Variants in ITGA11 observed in about 807,000 individuals in gnomAD.
ITGA11 encodes the protein integrin subunit alpha 11, also known as integrin alpha-11.
In ITGA11, 97 loss-of-function variants were observed where a neutral mutation model predicts 141.9. That is an observed-to-expected ratio of 0.68 (90% CI 0.58 to 0.81). ITGA11 has a LOEUF of 0.81. Ranked by LOEUF, ITGA11 falls within the 30% of genes least tolerant of loss-of-function variation. ITGA11 has a pLI of 0.00. For synonymous variants in ITGA11, 658 were observed against 624.6 expected (o/e 1.05, Z -0.80); for missense variants, 1,387 against 1,559.2 (o/e 0.89, Z 1.86).
At chr15:68,320,538 A>G in intron 19 of ITGA11, 146 bp from the exon 20 acceptor site, 1 of 639,576 alleles carries the variant, frequency 1.6e-6, no homozygotes, top group South Asian at 1.9e-5. Context: ...GAGAGTGGAA[A>G]TGGATGGCAG....
intron 5 of ITGA11, among the ~76,000 whole-genome samples, chr15:68,359,997 G>C (rs1038807457): frequency 2.6e-5 from 4 of 152,244 alleles, no homozygotes; most frequent in Admixed American, 6.5e-5. Flanking sequence ...AGAGGAAGGT[G>C]GGGGTGGCTT....
At chr15:68,392,926 A>G (rs1384113544) in intron 2 of ITGA11, among the ~76,000 whole-genome samples, 4 of 152,240 alleles carry the variant, frequency 2.6e-5, no homozygotes, top group African/African-American at 9.6e-5. Context: ...TGATCCAGAT[A>G]TTGGAGTTAA....
In ITGA11 at chr15:68,348,848, A is replaced by G; in HGVS notation, c.1113T>C (p.Phe371=). The part of the protein sequence containing the change: ...SFGLEMSQTG[F]SSHVVEDGVL... ...CACATACCTCCACCACGTGCGAGGA[A>G]AAGCCCGTCTGTGACATCTCCAGCC... The change falls in exon 10 of 30, where the codon TTT becomes TTC. Residue 371 remains phenylalanine, a synonymous_variant. Coordinates refer to ENST00000315757, the MANE Select transcript of ITGA11 (RefSeq NM_001004439.2). 6.2e-7 allele frequency: 1 copy of G among 1,609,288 alleles called. No homozygotes were observed. The highest frequency in any genetic ancestry group is 8.5e-7 in the Non-Finnish European group (1 of 1,177,928).
intron 2 of ITGA11, among the ~76,000 whole-genome samples, chr15:68,390,118 A>C (rs1046444052): frequency 6.6e-6 from 1 of 152,178 alleles, no homozygotes. Flanking sequence ...GAGTGTTGTT[A>C]TTGTTGCTAG....
At chr15:68,339,462 C>G in intron 11 of ITGA11, 38 bp downstream of exon 11, 1 of 1,586,614 alleles carries the variant, frequency 6.3e-7, no homozygotes. Context: ...CCCTCCCGGC[C>G]CACGACCCGC....
chr15:68,347,303 A>T (rs1227630896), intron 10 of ITGA11, among the ~76,000 whole-genome samples: 1 of 152,212 alleles, frequency 6.6e-6, no homozygotes, highest in African/African-American at 2.4e-5. Flanking sequence ...CTCAGGACCC[A>T]GCACAGAGAA....
rs1567118732 is a variant in ITGA11 at position 68,302,521 on chromosome 15, T to C, written c.*538A>G. On this transcript the variant is annotated 3_prime_UTR_variant, in exon 30 of 30. Transcript: ENST00000315757. ...AAGCCCTTGCTCTTGGGTTCATTCT[T>C]CGGGAGCCCCAGGGGCCTATCTATG... The C allele has an allele frequency of 6.5e-6, 1 of 152,766 alleles. No homozygotes were observed. Among genetic ancestry groups the C allele is most frequent in the Non-Finnish European group, 1.5e-5 (1 of 68,232 alleles). The allele number at this position is 152,766 out of a possible 1,614,324, so 9.5% of individuals were successfully genotyped here. A position where few individuals can be genotyped will look rare whatever the true frequency, so the allele number is the denominator to read the frequency against.
rs1893752048 is a variant in ITGA11 at position 68,320,246 on chromosome 15, T to C, written c.2555A>G (p.Tyr852Cys). 1 of 1,614,074 alleles carries C rather than the reference T, an allele frequency of 6.2e-7. No individual in the cohort carries two copies. The highest frequency in any genetic ancestry group is 1.3e-5 in the African/African-American group (1 of 75,072). ...ATLENRGENAYSTVLNISQSA... is the reference protein window; with the variant it reads ...ATLENRGENACSTVLNISQSA... The stretch of plus-strand genomic sequence containing the variant: ...CTGCGAGATATTTAGGACCGTGCTG[T>C]AGGCGTTCTCGCCCCTGTTCTCCAG... The change falls in exon 20 of 30, where the codon TAC becomes TGC. Residue 852 changes from tyrosine (Y) to cysteine (C), a missense_variant. Transcript: ENST00000315757.
intron 1 of ITGA11, among the ~76,000 whole-genome samples, chr15:68,405,588 C>T (rs1896631134): frequency 6.6e-6 from 1 of 152,178 alleles, no homozygotes; most frequent in Non-Finnish European, 1.5e-5. Context: ...ATCAGCCTGG[C>T]TAGCAGCGGG....
At chr15:68,401,034 A>G (rs1896496758) in intron 2 of ITGA11, among the ~76,000 whole-genome samples, 1 of 141,254 alleles carries the variant, frequency 7.1e-6, no homozygotes, top group South Asian at 2.1e-4. Context: ...CACAATCTTT[A>G]CAATGGGCAA....
rs1896903418 is a variant in ITGA11 at position 68,416,985 on chromosome 15, A to G, written c.53-13956T>C. Among the ~76,000 whole-genome samples, 6 of 152,278 alleles carry G rather than the reference A, an allele frequency of 3.9e-5. No homozygotes were observed. The South Asian group carries it at 1.2e-3, about 32-fold the overall frequency. ...TGTATTTTTCCATCTTACATCATTT[A>G]TCATTTTCTCTGTGTAGGAAAAGTG... On this transcript the variant is annotated intron_variant, in intron 1 of 29. Transcript: ENST00000315757.
At chr15:68,386,165 A>T (rs1380288040) in intron 2 of ITGA11, among the ~76,000 whole-genome samples, 1 of 152,078 alleles carries the variant, frequency 6.6e-6, no homozygotes, top group Non-Finnish European at 1.5e-5. Context: ...AACCTGATCA[A>T]CCTATGCCAG....
intron 5 of ITGA11, 56 bp from the exon 6 acceptor site, chr15:68,358,641 G>C (rs1255154353): frequency 6.5e-7 from 1 of 1,546,590 alleles, no homozygotes; most frequent in East Asian, 2.3e-5. Context: ...GCGAGTCTCT[G>C]ATTCTCTGGA....
intron 28 of ITGA11, among the ~76,000 whole-genome samples, chr15:68,306,428 A>G (rs576857564): frequency 3.9e-5 from 6 of 152,192 alleles, no homozygotes; most frequent in African/African-American, 1.4e-4. Context: ...GATTCGGTTC[A>G]AACAGTCTCC....
At position 68,326,657 on chromosome 15, in the gene ITGA11, G is replaced by T. The variant is rs762002229; in HGVS notation, c.2208C>A (p.Val736=). 1.5e-4 allele frequency: 239 copies of T among 1,590,232 alleles called. 1 individual carries two copies. Among genetic ancestry groups the T allele is most frequent in the Non-Finnish European group, 2.0e-4 (236 of 1,168,650 alleles). Residue 736 remains valine (V), a synonymous_variant, in exon 17 of 30, where the codon GTC becomes GTA. Transcript: ENST00000315757. This position sits in a 1 kb window ranked among gnomAD's most constrained non-coding sequence, Gnocchi z 6.8. ...QELCERINFH[V]LDTADYVKPV... The stretch of plus-strand genomic sequence containing the variant: ...GCTGGTGGGGCTGCCAGCTTACCAG[G>T]ACATGGAAGTTGATCCGCTCACAGA...
At chr15:68,365,338 C>T (rs1197020535) in intron 3 of ITGA11, 1 of 986,746 alleles carries the variant, frequency 1.0e-6, no homozygotes, top group Admixed American at 6.1e-5. Context: ...TCCAGAGCTG[C>T]CAGGCCTTGC....
intron 2 of ITGA11, among the ~76,000 whole-genome samples, chr15:68,396,983 T>TATATAATATATAA (rs1896275706): frequency 2.4e-5 from 1 of 41,442 alleles, no homozygotes. Flanking sequence ...TATTATATAT[T>TATATAATATATAA]ATTTATTATA....
rs536220014 is a variant in ITGA11, at chr15:68,418,630, T to C, written c.52+13385A>G. 1.7e-3 allele frequency among the ~76,000 whole-genome samples: 235 copies of C among 140,900 alleles called. 1 individual carries two copies. The highest frequency in any genetic ancestry group is 6.0e-3 in the African/African-American group (231 of 38,258). 92.4% of individuals were successfully genotyped at this position (140,900 alleles called of 152,430 possible). On this transcript the variant is annotated intron_variant, in intron 1 of 29. Coordinates refer to ENST00000315757, the MANE Select transcript of ITGA11 (RefSeq NM_001004439.2). ...ACTGCAGAGGATGCTGTTTACATTG[T>C]AGTTGATGTAAATCATGTAGCGCAC...
At chr15:68,343,109 C>A (rs185929683) in intron 10 of ITGA11, among the ~76,000 whole-genome samples, 1 of 151,824 alleles carries the variant, frequency 6.6e-6, no homozygotes, top group Non-Finnish European at 1.5e-5. Context: ...CTTAGCAGGG[C>A]ACTTGGCAGC....
Sources: gnomAD v4.1 joint callset for allele counts (sites outside exome capture counted in the v4.1 genomes callset) on GRCh38, gnomAD v4.1.1 for gene constraint, Gnocchi (gnomAD v3.1) non-coding constraint, MANE v1.5 for transcripts, NCBI Gene and HGNC (gene_info 2026-07-23, HGNC 2026-07-21) for gene names.